Variants in STT3B observed in about 807,000 individuals in gnomAD.
STT3B encodes the protein STT3 oligosaccharyltransferase complex catalytic subunit B.
STT3B carries 29 observed loss-of-function variants against 96.8 expected under a neutral mutation model. The observed-to-expected ratio is 0.30, with a 90% CI of 0.22 to 0.41. The LOEUF (loss-of-function observed/expected upper bound fraction) is 0.41, where lower values mean the gene tolerates loss of function less well. Ranked by LOEUF, STT3B falls within the 10% of genes least tolerant of loss-of-function variation. The pLI is 1.00. For missense variants in STT3B, 640 were observed against 1,022.3 expected (o/e 0.63, Z 5.10); for synonymous variants, 367 against 360.0 (o/e 1.02, Z -0.22).
intron 1 of STT3B, among the ~76,000 whole-genome samples, chr3:31,567,448 G>A (rs190024498): frequency 7.4e-4 from 112 of 152,178 alleles, no homozygotes; most frequent in Non-Finnish European, 1.3e-3. Context: ...AATTACATTT[G>A]TGAACTGAAC....
In STT3B at chr3:31,622,614, A is replaced by T. The variant is rs1447566706; in HGVS notation, c.1539+306A>T. ...TTTGAGAGCAAAAACTTTATGCTGT[A>T]CTAAATTACATAACATTTGGCACTG... On this transcript the variant is annotated intron_variant, in intron 10 of 15. Coordinates refer to ENST00000295770, the MANE Select transcript of STT3B (RefSeq NM_178862.3). Among the ~76,000 whole-genome samples, 8 of 152,316 alleles carry T rather than the reference A, an allele frequency of 5.3e-5. No individual in the cohort carries two copies. In the East Asian group the frequency reaches 1.4e-3, roughly 26 times the overall value.
intron 1 of STT3B, among the ~76,000 whole-genome samples, chr3:31,542,663 T>C (rs1318292138): frequency 6.6e-6 from 1 of 152,254 alleles, no homozygotes; most frequent in East Asian, 1.9e-4. Flanking sequence ...AATTAGGCTC[T>C]ATTTGGATGA....
intron 3 of STT3B, among the ~76,000 whole-genome samples, chr3:31,590,118 G>A (rs1181868304): frequency 6.6e-6 from 1 of 151,906 alleles, no homozygotes; most frequent in East Asian, 1.9e-4. Context: ...GACCTAATTT[G>A]TCGGCAGAAA....
chr3:31,585,070 A>G (rs1240923574), intron 3 of STT3B, among the ~76,000 whole-genome samples: 1 of 152,100 alleles, frequency 6.6e-6, no homozygotes, highest in Admixed American at 6.5e-5. Flanking sequence ...TTTTAAACCA[A>G]CTCTTTTAAA....
intron 3 of STT3B, among the ~76,000 whole-genome samples, chr3:31,581,448 CATTT>C (rs1485610034): frequency 1.3e-5 from 2 of 152,046 alleles, no homozygotes; most frequent in Non-Finnish European, 1.5e-5. Context: ...ATTTTGTGGA[CATTT>C]ATGCAACAGA....
chr3:31,552,311 G>A (rs1339329417), intron 1 of STT3B, among the ~76,000 whole-genome samples: 1 of 152,102 alleles, frequency 6.6e-6, no homozygotes, highest in Non-Finnish European at 1.5e-5. Context: ...TACTTGCCAG[G>A]GACTATGGCT....
chr3:31,618,105 A>T (rs1329509510), intron 8 of STT3B, 117 bp downstream of exon 8: 3 of 734,692 alleles, frequency 4.1e-6, no homozygotes, highest in East Asian at 5.0e-5. Context: ...AGTACCAAAG[A>T]TGCTAGTTTA....
At chr3:31,556,110 CTT>C (rs757539063) in intron 1 of STT3B, among the ~76,000 whole-genome samples, 1 of 146,110 alleles carries the variant, frequency 6.8e-6, no homozygotes, top group Non-Finnish European at 1.5e-5. Flanking sequence ...CTGAGATCAA[CTT>C]TTTTTTTTTT....
chr3:31,533,519 C>T, intron 1 of STT3B: 1 of 537,506 alleles, frequency 1.9e-6, no homozygotes, highest in Non-Finnish European at 2.7e-6. Context: ...GGCGGGGCGT[C>T]GGGGTCCAGG....
intron 1 of STT3B, among the ~76,000 whole-genome samples, chr3:31,561,290 TTTTATGGGTACATGATAAGTATGTATA>T (rs1223593990): frequency 6.6e-6 from 1 of 152,020 alleles, no homozygotes; most frequent in Non-Finnish European, 1.5e-5. Context: ...TTTAAAAAAA[TTTTATGGGTACATGATAAGTATGTATA>T]TTTATGGGAT....
chr3:31,635,923 T>G (rs1699746840), intron 15 of STT3B, 61 bp from the exon 16 acceptor site: 2 of 1,243,402 alleles, frequency 1.6e-6, no homozygotes, highest in African/African-American at 1.5e-5. Context: ...ATGTGTGTGT[T>G]TATAGATTTT....
intron 1 of STT3B, among the ~76,000 whole-genome samples, chr3:31,559,697 C>G (rs1016867134): frequency 3.3e-5 from 5 of 151,866 alleles, no homozygotes; most frequent in Admixed American, 2.0e-4. Flanking sequence ...ATGTTCATGT[C>G]AAGTACATTT....
At chr3:31,626,808 A>G (rs62234756) in intron 13 of STT3B, among the ~76,000 whole-genome samples, 25,753 of 152,190 alleles carry the variant, frequency 0.17, 2,403 homozygotes, top group East Asian at 0.26. Flanking sequence ...ACTGGTACAA[A>G]ATAGATAACC....
chr3:31,630,355 A>G (rs768619834), intron 14 of STT3B, among the ~76,000 whole-genome samples: 2 of 152,120 alleles, frequency 1.3e-5, no homozygotes, highest in South Asian at 2.1e-4. Context: ...GTACCCTTCT[A>G]CTAGTTTCTC....
chr3:31,625,926 C>CA, intron 12 of STT3B, 28 bp from the exon 13 acceptor site: 1 of 1,542,200 alleles, frequency 6.5e-7, no homozygotes, highest in Non-Finnish European at 8.7e-7. Flanking sequence ...TAATCAAAAA[C>CA]ATTCTCATTT....
Position 31,636,289 on chromosome 3 carries a change from G to T in STT3B, c.*225G>T. 2.7e-6 allele frequency: 1 copy of T among 370,220 alleles called. No individual in the cohort carries two copies. 22.9% of individuals were successfully genotyped at this position (370,220 alleles called of 1,614,324 possible). On this transcript the variant is annotated 3_prime_UTR_variant, in exon 16 of 16. Transcript: ENST00000295770. ...AGCAAGACAGAGCACTGCTGTAAAT[G>T]TCTAGCAGCAGATTTTTTTTTTATT...
chr3:31,539,530 A>G (rs912830518), intron 1 of STT3B, among the ~76,000 whole-genome samples: 4 of 152,126 alleles, frequency 2.6e-5, no homozygotes, highest in East Asian at 3.8e-4. Flanking sequence ...GGGCCAGCTT[A>G]AATAAAAGTG....
chr3:31,603,222 G>T (rs868857939), intron 5 of STT3B, among the ~76,000 whole-genome samples: 14 of 152,080 alleles, frequency 9.2e-5, no homozygotes, highest in Admixed American at 2.6e-4. Flanking sequence ...TTATGAAAAA[G>T]TTGTGTCCTC....
At chr3:31,601,409 C>A (rs1375213092) in intron 5 of STT3B, among the ~76,000 whole-genome samples, 9 of 152,144 alleles carry the variant, frequency 5.9e-5, no homozygotes, top group African/African-American at 1.7e-4. Flanking sequence ...CAACATGAAC[C>A]TTGAAAACTT....
Sources: allele counts gnomAD v4.1 joint callset (sites outside exome capture counted in the v4.1 genomes callset), GRCh38; gene constraint gnomAD v4.1.1; transcripts MANE v1.5; gene names NCBI Gene and HGNC (gene_info 2026-07-23, HGNC 2026-07-21).